Variants in ZNF160 observed in about 807,000 individuals in gnomAD.
ZNF160 encodes the protein zinc finger protein 160, also known as KRAB zinc finger protein KR18.
ZNF160 carries 9 observed loss-of-function variants against 13.1 expected under a neutral mutation model. The observed-to-expected ratio is 0.69, with a 90% CI of 0.41 to 1.20. The LOEUF (loss-of-function observed/expected upper bound fraction) is 1.20. ZNF160 is among the 50% of genes most tolerant of loss of function. The probability of loss-of-function intolerance (pLI) is 0.01; values close to 1 mark genes in which losing one functional copy is unlikely to be tolerated. For missense variants in ZNF160, 838 were observed against 988.0 expected, an observed-to-expected ratio of 0.85 and a Z score of 2.04; for synonymous variants, 293 against 333.2, an observed-to-expected ratio of 0.88 and a Z score of 1.31.
intron 1 of ZNF160, among the ~76,000 whole-genome samples, chr19:53,099,067 G>A (rs1342541857): frequency 3.2e-5 from 4 of 126,180 alleles, no homozygotes; most frequent in Non-Finnish European, 6.6e-5. Flanking sequence ...CCCCAGAGCA[G>A]GTGCTGCAGT....
intron 3 of ZNF160, chr19:53,086,027 T>A: frequency 7.0e-7 from 1 of 1,422,526 alleles, no homozygotes; most frequent in South Asian, 1.2e-5. Flanking sequence ...TCTCCATCCA[T>A]GTCTGGGTGT....
chr19:53,069,548 G>T lies in ZNF160; in HGVS notation c.986C>A (p.Ala329Glu). ...GKVFRHNSYL[A>E]THRRIHTGEK... Reference sequence around the variant, plus strand: ...TCCAGTATGAATTCGCCGATGAGTTGCAAGGTATGAATTGTGCCTGAAGAC... The same window carrying T: ...TCCAGTATGAATTCGCCGATGAGTTTCAAGGTATGAATTGTGCCTGAAGAC... The change falls in exon 6 of 6, where the codon GCA becomes GAA. Residue 329 changes from alanine to glutamate, a missense_variant. By Grantham distance (107) the Ala-to-Glu change is moderately radical. Around this residue, in one of 3 missense-constraint regions of ZNF160, gnomAD observed 387 missense variants for 402.3 expected, o/e 0.96. Transcript: ENST00000683776. This position sits in a 1 kb window ranked among gnomAD's most constrained non-coding sequence, Gnocchi z 4.4. 6.2e-7 allele frequency: 1 copy of T among 1,614,082 alleles called. No homozygotes were observed. The highest frequency in any genetic ancestry group is 2.2e-5 in the East Asian group (1 of 44,874).
chr19:53,074,739 A>G (rs1337643701), intron 4 of ZNF160, among the ~76,000 whole-genome samples: 1 of 151,988 alleles, frequency 6.6e-6, no homozygotes, highest in East Asian at 1.9e-4. Flanking sequence ...GTACATGCTG[A>G]TAGAAGGCTC....
At chr19:53,077,573 GAC>G (rs567051716) in intron 3 of ZNF160, among the ~76,000 whole-genome samples, 60 of 149,770 alleles carry the variant, frequency 4.0e-4, no homozygotes, top group African/African-American at 1.3e-3. Context: ...AGGAGGCTGA[GAC>G]AGAGAATCGC....
Position 53,068,127 on chromosome 19 carries a change from T to C in ZNF160, c.2407A>G (p.Asn803Asp). Residue 803 changes from asparagine (N) to aspartate (D), a missense_variant, in exon 6 of 6, where the codon AAT (asparagine) becomes GAT (aspartate). Transcript: ENST00000683776. ...TGCATTCTGTGATGACTTGCAAGATTTGAACTCTGCCTGAAGACCTTGCCA... is the reference window on the plus strand; with the variant it reads ...TGCATTCTGTGATGACTTGCAAGATCTGAACTCTGCCTGAAGACCTTGCCA... ...ECGKVFRQSS[N>D]LASHHRMHTG... 1 of 1,613,532 alleles carries C rather than the reference T, an allele frequency of 6.2e-7. No individual in the cohort carries two copies. Among genetic ancestry groups the C allele is most frequent in the Non-Finnish European group, 8.5e-7 (1 of 1,179,708 alleles).
In ZNF160 at chr19:53,067,224, T is replaced by G. The variant is rs1198618385; in HGVS notation, c.*853A>C. 6.6e-6 allele frequency: 1 copy of G among 152,190 alleles called. No homozygotes were observed. The highest frequency in any genetic ancestry group is 1.5e-5 in the Non-Finnish European group (1 of 68,048). 9.4% of individuals were successfully genotyped at this position (152,190 alleles called of 1,614,324 possible). A position where few individuals can be genotyped will look rare whatever the true frequency, so the allele number is the denominator to read the frequency against. On this transcript the variant is annotated 3_prime_UTR_variant, in exon 6 of 6. Transcript: ENST00000683776. Reference sequence around the variant, plus strand: ...AGTGTCTAATTACCTATTACTCTCCTCCCACAAAAATCCCAATGTCCTAAG... The same window carrying G: ...AGTGTCTAATTACCTATTACTCTCCGCCCACAAAAATCCCAATGTCCTAAG...
intron 5 of ZNF160, 112 bp from the exon 6 acceptor site, chr19:53,070,374 G>T: frequency 9.2e-7 from 1 of 1,081,512 alleles, no homozygotes; most frequent in South Asian, 2.0e-5. Context: ...ACAGACTTTG[G>T]AACTTCAGAA....
chr19:53,073,577 C>G lies in ZNF160; in HGVS notation c.271+563G>C, dbSNP rs1321456383. 3.3e-6 allele frequency: 5 copies of G among 1,501,496 alleles called. No individual in the cohort carries two copies. The African/African-American group carries it at 5.6e-5, about 17-fold the overall frequency. 93.0% of individuals were successfully genotyped at this position (1,501,496 alleles called of 1,614,324 possible). ...ACGTCAGGACTAAGGACTATGGAGG[C>G]TTCCCCTCTGACCCATATGGACTAA... On this transcript the variant is annotated intron_variant, in intron 5 of 5. Transcript: ENST00000683776.
rs925227581 is a variant in ZNF160, at chr19:53,102,908, G to A, written c.-354+357C>T. The stretch of plus-strand genomic sequence containing the variant: ...GGGGAGCAGCAGGGCCCGGCACGAG[G>A]AGGAGGGAGGTGGGGGGCGACGGCG... On this transcript the variant is annotated intron_variant, in intron 1 of 5. Coordinates refer to ENST00000683776, the MANE Select transcript of ZNF160 (RefSeq NM_001322131.2). Among the ~76,000 whole-genome samples, 2 of 152,132 alleles carry A rather than the reference G, an allele frequency of 1.3e-5. 1 individual carries two copies. The highest frequency in any genetic ancestry group is 2.9e-5 in the Non-Finnish European group (2 of 68,026).
chr19:53,100,592 A>G (rs961395307), intron 1 of ZNF160, among the ~76,000 whole-genome samples: 3 of 152,106 alleles, frequency 2.0e-5, no homozygotes, highest in Admixed American at 1.3e-4. Flanking sequence ...CCTGGGCGAC[A>G]GAGCGAGACT....
intron 3 of ZNF160, among the ~76,000 whole-genome samples, chr19:53,084,226 C>T (rs1568492259): frequency 1.3e-5 from 2 of 152,188 alleles, no homozygotes; most frequent in African/African-American, 2.4e-5. Flanking sequence ...CCCCCTGGTA[C>T]GTAAGGCACA....
chr19:53,102,895 G>A (rs1436050420), intron 1 of ZNF160, among the ~76,000 whole-genome samples: 5 of 152,066 alleles, frequency 3.3e-5, no homozygotes, highest in African/African-American at 1.2e-4. Context: ...GGAGCAGCAG[G>A]GCCCGGCACG....
rs1049955377 is a variant in ZNF160 at position 53,073,354 on chromosome 19, C to T, written c.271+786G>A. 12 of 1,598,084 alleles carry T rather than the reference C, an allele frequency of 7.5e-6. No individual in the cohort carries two copies. The African/African-American group carries it at 1.1e-4, about 14-fold the overall frequency. On this transcript the variant is annotated intron_variant, in intron 5 of 5. Coordinates refer to ENST00000683776, the MANE Select transcript of ZNF160 (RefSeq NM_001322131.2). ...GAACAATCTTAGAAGATAGAACCCACTCGCTTATCACACACCCCCATGAAA... is the reference window on the plus strand; with the variant it reads ...GAACAATCTTAGAAGATAGAACCCATTCGCTTATCACACACCCCCATGAAA...
rs969992582 is a variant in ZNF160 at position 53,069,037 on chromosome 19, A to G, written c.1497T>C (p.His499=). ...VFTQNSQLAN[H]RRIHTGEKPY... is the part of the protein sequence containing the mutation. ...GTTTCTCTCCAGTATGAATTCTTCGATGATTTGCAAGTTGTGAATTTTGAG... is the reference window on the plus strand; with the variant it reads ...GTTTCTCTCCAGTATGAATTCTTCGGTGATTTGCAAGTTGTGAATTTTGAG... The change falls in exon 6 of 6, where the codon CAT becomes CAC. Residue 499 remains histidine (H), a synonymous_variant. Coordinates refer to ENST00000683776, the MANE Select transcript of ZNF160 (RefSeq NM_001322131.2). The surrounding 1 kb of genome is among the most constrained non-coding windows in gnomAD (Gnocchi z 4.4). The G allele has an allele frequency of 4.3e-6, 7 of 1,614,162 alleles. No homozygotes were observed. Among genetic ancestry groups the G allele is most frequent in the Non-Finnish European group, 5.9e-6 (7 of 1,180,034 alleles).
At chr19:53,084,291 T>C (rs2084748372) in intron 3 of ZNF160, among the ~76,000 whole-genome samples, 1 of 152,222 alleles carries the variant, frequency 6.6e-6, no homozygotes. Context: ...GTGCCATTCA[T>C]GCCAAGCCCG....
chr19:53,078,008 A>G (rs1019669977), intron 3 of ZNF160, among the ~76,000 whole-genome samples: 4 of 151,744 alleles, frequency 2.6e-5, no homozygotes, highest in Non-Finnish European at 4.4e-5. Context: ...TTGGGAGGCT[A>G]AGGCGGGCGG....
chr19:53,075,013 T>C (rs761008490), intron 4 of ZNF160, 44 bp downstream of exon 4: 4 of 1,612,586 alleles, frequency 2.5e-6, no homozygotes, highest in South Asian at 1.1e-5. Context: ...AATGCAACAA[T>C]AGACAAGAAC....
At chr19:53,085,915 T>G (rs2084812094) in intron 3 of ZNF160, 4 of 905,644 alleles carry the variant, frequency 4.4e-6, no homozygotes, top group Non-Finnish European at 1.7e-6. Context: ...CATGGGCAGC[T>G]TCTGTTATCA....
intron 3 of ZNF160, chr19:53,085,205 T>C (rs1034001116): frequency 4.1e-6 from 4 of 985,426 alleles, no homozygotes; most frequent in East Asian, 1.1e-4. Flanking sequence ...TGTAGAAAAG[T>C]GAGCTCCTGT....
Sources: allele counts gnomAD v4.1 joint callset (sites outside exome capture counted in the v4.1 genomes callset), GRCh38; gene constraint gnomAD v4.1.1; regional missense constraint gnomAD v4.1.1; non-coding constraint Gnocchi (gnomAD v3.1); transcripts MANE v1.5; gene names NCBI Gene and HGNC (gene_info 2026-07-23, HGNC 2026-07-21).